The following ARHGAP6 variants were observed in gnomAD, a reference collection of about 807,000 sequenced individuals.
ARHGAP6 encodes rho GTPase-activating protein 6.
A neutral mutation model predicts 55.7 loss-of-function variants in ARHGAP6; 16 were observed. The ratio of observed to expected loss-of-function variants is 0.29; its 90% CI spans 0.19 to 0.44. The LOEUF is 0.44. ARHGAP6 is among the 20% of genes least tolerant of loss of function. The pLI is 1.00. For synonymous variants in ARHGAP6, 382 were observed against 360.9 expected (o/e 1.06, Z -0.66); for missense variants, 698 against 808.9 (o/e 0.86, Z 1.66).
intron 1 of ARHGAP6, among the ~76,000 whole-genome samples, chrX:11,544,112 T>C (rs1354385670): frequency 8.9e-6 from 1 of 112,228 alleles, no homozygotes; most frequent in Non-Finnish European, 1.9e-5. Context: ...GGTTCAATTG[T>C]TTTTAGGCAT....
chrX:11,411,188 TATATA>T (rs2049678620), intron 1 of ARHGAP6, among the ~76,000 whole-genome samples: 1 of 55,226 alleles, frequency 1.8e-5, no homozygotes, highest in Admixed American at 2.0e-4. Context: ...ATTATTTATA[TATATA>T]TATATATATA....
intron 1 of ARHGAP6, among the ~76,000 whole-genome samples, chrX:11,387,435 T>G (rs1285521200): frequency 8.9e-6 from 1 of 111,965 alleles, no homozygotes; most frequent in Non-Finnish European, 1.9e-5. Flanking sequence ...AACAGCCACT[T>G]GCACCTGAAG....
chrX:11,626,168 T>C (rs2052296557), intron 1 of ARHGAP6, among the ~76,000 whole-genome samples: 1 of 111,406 alleles, frequency 9.0e-6, no homozygotes, highest in African/African-American at 3.3e-5. Flanking sequence ...TACAATAAAA[T>C]CTTAAATCAG....
intron 1 of ARHGAP6, among the ~76,000 whole-genome samples, chrX:11,582,164 T>C (rs1213915883): frequency 9.0e-6 from 1 of 110,960 alleles, no homozygotes; most frequent in Non-Finnish European, 1.9e-5. Context: ...ACTGGAGCAC[T>C]AGAAACACAC....
At chrX:11,139,552 C>T (rs2045591672) in intron 12 of ARHGAP6, 22 bp from the exon 13 acceptor site, 1 of 1,126,315 alleles carries the variant, frequency 8.9e-7, no homozygotes, top group Non-Finnish European at 1.2e-6. Context: ...AGAGAAAGCC[C>T]AAGAAATGGA....
At chrX:11,170,883 A>C (rs1211574646) in intron 8 of ARHGAP6, among the ~76,000 whole-genome samples, 1 of 111,564 alleles carries the variant, frequency 9.0e-6, no homozygotes, top group African/African-American at 3.3e-5. Context: ...ACCTGTGTCC[A>C]AGAAGAAATG....
chrX:11,172,161 C>T (rs5934973), intron 8 of ARHGAP6, among the ~76,000 whole-genome samples: 2,548 of 111,073 alleles, frequency 0.023, 28 homozygotes, highest in Middle Eastern at 0.065. Flanking sequence ...GGCTGCCCTG[C>T]CCTGCAATCC....
chrX:11,608,354 TG>T (rs1324185642), intron 1 of ARHGAP6, among the ~76,000 whole-genome samples: 1 of 112,103 alleles, frequency 8.9e-6, no homozygotes, highest in East Asian at 2.8e-4. Context: ...GACATGGTTA[TG>T]GTACATTGCA....
At chrX:11,557,366 G>T (rs764313092) in intron 1 of ARHGAP6, among the ~76,000 whole-genome samples, 1 of 111,555 alleles carries the variant, frequency 9.0e-6, no homozygotes, top group East Asian at 2.8e-4. Flanking sequence ...CTAAGAGTTT[G>T]TATGAGTAAC....
At chrX:11,485,087 C>A (rs1299305076) in intron 1 of ARHGAP6, among the ~76,000 whole-genome samples, 1 of 111,224 alleles carries the variant, frequency 9.0e-6, no homozygotes, top group African/African-American at 3.3e-5. Context: ...GTGTAATTAC[C>A]CAATTATGTA....
At chrX:11,404,550 T>G (rs936765289) in intron 1 of ARHGAP6, among the ~76,000 whole-genome samples, 5 of 112,030 alleles carry the variant, frequency 4.5e-5, no homozygotes, top group Non-Finnish European at 7.5e-5. Flanking sequence ...AGGAACCAAA[T>G]TTTCTTTTCA....
chrX:11,525,321 T>C (rs753681134), intron 1 of ARHGAP6, among the ~76,000 whole-genome samples: 8 of 112,105 alleles, frequency 7.1e-5, no homozygotes, highest in Non-Finnish European at 1.3e-4. Flanking sequence ...GTATTCACAA[T>C]ACTGCATGCA....
chrX:11,484,694 AAG>A (rs1255542611), intron 1 of ARHGAP6, among the ~76,000 whole-genome samples: 5 of 112,202 alleles, frequency 4.5e-5, no homozygotes, highest in Non-Finnish European at 9.4e-5. Context: ...ATCATTCATT[AAG>A]TATCTGTTGA....
chrX:11,241,578 G>A (rs980156524), intron 2 of ARHGAP6, among the ~76,000 whole-genome samples: 1 of 108,600 alleles, frequency 9.2e-6, no homozygotes, highest in Non-Finnish European at 1.9e-5. Context: ...GTGTGTGCGC[G>A]TGTGTCATCT....
At chrX:11,517,344 G>C (rs1466588638) in intron 1 of ARHGAP6, among the ~76,000 whole-genome samples, 1 of 111,691 alleles carries the variant, frequency 9.0e-6, no homozygotes, top group Non-Finnish European at 1.9e-5. Flanking sequence ...AGCGTATTAC[G>C]TACTCTCCCC....
At chrX:11,405,833 T>C (rs1355763186) in intron 1 of ARHGAP6, among the ~76,000 whole-genome samples, 1 of 111,813 alleles carries the variant, frequency 8.9e-6, no homozygotes, top group African/African-American at 3.3e-5. Context: ...TTTTGTGACT[T>C]TGGAAAAGTT....
At chrX:11,276,634 GAAAACAAGC>G (rs2047771693) in intron 1 of ARHGAP6, among the ~76,000 whole-genome samples, 1 of 111,448 alleles carries the variant, frequency 9.0e-6, no homozygotes, top group South Asian at 3.7e-4. Context: ...GGTATGACGT[GAAAACAAGC>G]CATCTGCACT....
rs7891961 is a variant in ARHGAP6 at position 11,506,809 on chromosome X, C to T, written c.588+157432G>A. On this transcript the variant is annotated intron_variant, in intron 1 of 12. Transcript: ENST00000337414. ...TTCTAGTTCTAGATCCTTGAGGAATCGCCACACTGTCTTCCACAATGGTTG... is the reference window on the plus strand; with the variant it reads ...TTCTAGTTCTAGATCCTTGAGGAATTGCCACACTGTCTTCCACAATGGTTG... 3.0e-3 allele frequency among the ~76,000 whole-genome samples: 334 copies of T among 111,690 alleles called. 1 individual carries two copies. The highest frequency in any genetic ancestry group is 9.4e-3 in the African/African-American group (287 of 30,683).
At chrX:11,508,245 C>T (rs1255660901) in intron 1 of ARHGAP6, among the ~76,000 whole-genome samples, 1 of 110,960 alleles carries the variant, frequency 9.0e-6, no homozygotes, top group African/African-American at 3.3e-5. Context: ...CAACCTTGAA[C>T]TCCTGGGCTC....
Sources: allele counts gnomAD v4.1 joint callset (sites outside exome capture counted in the v4.1 genomes callset), GRCh38; gene constraint gnomAD v4.1.1; transcripts MANE v1.5; gene names NCBI Gene and HGNC (gene_info 2026-07-23, HGNC 2026-07-21).